The following PTGR3 variants were observed in gnomAD, a reference collection of about 807,000 sequenced individuals.
PTGR3 encodes zinc binding alcohol dehydrogenase domain containing 2.
At chr18:75,202,664 G>GAAAAAAAAAAAA in the PTGR3 span, among the ~76,000 whole-genome samples, 2 of 76,906 alleles carry the variant, frequency 2.6e-5, no homozygotes, top group African/African-American at 1.3e-4. Context: ...GTAGAAATAA[G>GAAAAAAAAAAAA]CAAAAAAAAA....
At chr18:75,208,087 G>A in the PTGR3 span, among the ~76,000 whole-genome samples, 2 of 152,228 alleles carry the variant, frequency 1.3e-5, no homozygotes, top group East Asian at 1.9e-4. Flanking sequence ...GAGTGAGGCG[G>A]AAACACGACG....
At chr18:75,201,242 C>A in the PTGR3 span, 1 of 552,150 alleles carries the variant, frequency 1.8e-6, no homozygotes, top group East Asian at 3.0e-5. Flanking sequence ...TTTTTTTTTT[C>A]CCCCAAGGGA....
the PTGR3 span, among the ~76,000 whole-genome samples, chr18:75,206,779 T>A: frequency 7.5e-4 from 114 of 152,312 alleles, no homozygotes; most frequent in African/African-American, 2.7e-3. Context: ...ATTCTTGGCG[T>A]GTGTGCAGGG....
the PTGR3 span, chr18:75,201,992 G>T: frequency 6.2e-7 from 1 of 1,614,160 alleles, no homozygotes; most frequent in Non-Finnish European, 8.5e-7. Context: ...TGGCAAACTG[G>T]CCCGTTCCCC....
the PTGR3 span, chr18:75,205,083 T>C: frequency 3.3e-6 from 3 of 910,692 alleles, no homozygotes. Flanking sequence ...TTGGTCTCCC[T>C]GCCTCCGGTT....
chr18:75,203,993 C>T, the PTGR3 span, among the ~76,000 whole-genome samples: 1 of 152,192 alleles, frequency 6.6e-6, no homozygotes, highest in Non-Finnish European at 1.5e-5. Flanking sequence ...GTAGGGTTTG[C>T]TCTGGAAGTG....
the PTGR3 span, chr18:75,197,359 G>A: frequency 6.6e-6 from 1 of 152,072 alleles, no homozygotes; most frequent in African/African-American, 2.4e-5. Context: ...TTGCATGCCT[G>A]TTTCAAGACA....
the PTGR3 span, chr18:75,209,119 C>CGCTCGGCTCGGCTGTGCTCT: frequency 8.1e-5 from 110 of 1,365,572 alleles, 1 homozygote; most frequent in Non-Finnish European, 9.6e-5. This position sits in a 1 kb window ranked among gnomAD's most constrained non-coding sequence, Gnocchi z 4.7. Flanking sequence ...CCGCCCGGGC[C>CGCTCGGCTCGGCTGTGCTCT]GCTCGGCTCG....
the PTGR3 span, chr18:75,208,783 A>AGCGGCGCGGC: frequency 7.7e-7 from 1 of 1,299,138 alleles, no homozygotes; most frequent in Non-Finnish European, 9.8e-7. Flanking sequence ...GGACTGCGGG[A>AGCGGCGCGGC]GCGGCGCGGC....
the PTGR3 span, chr18:75,202,341 C>T: frequency 6.3e-7 from 1 of 1,599,202 alleles, no homozygotes; most frequent in Non-Finnish European, 8.5e-7. Flanking sequence ...ACCAACAAAT[C>T]TAAAAGAAAA....
At chr18:75,195,156 G>A in the PTGR3 span, 2 of 152,210 alleles carry the variant, frequency 1.3e-5, no homozygotes, top group Admixed American at 1.3e-4. Context: ...CACATTCACA[G>A]GAGCCCTTCC....
the PTGR3 span, chr18:75,198,028 C>A: frequency 6.6e-6 from 1 of 152,174 alleles, no homozygotes; most frequent in Non-Finnish European, 1.5e-5. Context: ...GTGCTTAGCA[C>A]CCCCACCCCA....
chr18:75,203,863 C>T, the PTGR3 span, among the ~76,000 whole-genome samples: 1 of 152,210 alleles, frequency 6.6e-6, no homozygotes, highest in Non-Finnish European at 1.5e-5. Context: ...TCCCTGGGAG[C>T]TTGCTTCTGG....
the PTGR3 span, chr18:75,200,468 T>C: frequency 6.6e-6 from 1 of 152,232 alleles, no homozygotes; most frequent in Non-Finnish European, 1.5e-5. Context: ...GTATTCTTCC[T>C]TGAGATGACT....
the PTGR3 span, chr18:75,208,914 C>A: frequency 6.3e-7 from 1 of 1,577,728 alleles, no homozygotes; most frequent in South Asian, 1.2e-5. Context: ...CTCAGGGTGA[C>A]GGCCTCGCGG....
chr18:75,206,171 A>G, the PTGR3 span, among the ~76,000 whole-genome samples: 3 of 152,242 alleles, frequency 2.0e-5, no homozygotes, highest in Admixed American at 6.5e-5. Flanking sequence ...TCAATTATAC[A>G]TTCTATAGGG....
chr18:75,204,395 G>GA, the PTGR3 span, among the ~76,000 whole-genome samples: 1 of 152,230 alleles, frequency 6.6e-6, no homozygotes, highest in Non-Finnish European at 1.5e-5. Flanking sequence ...TGGGAGGGGG[G>GA]AGTGGGGCTC....
the PTGR3 span, chr18:75,200,573 T>C: frequency 3.3e-5 from 5 of 152,246 alleles, no homozygotes; most frequent in African/African-American, 1.2e-4. Context: ...TAGACAGCGC[T>C]TCCCTCCTGG....
the PTGR3 span, chr18:75,201,558 T>C: frequency 6.2e-7 from 1 of 1,614,126 alleles, no homozygotes; most frequent in Non-Finnish European, 8.5e-7. Flanking sequence ...AAGGTCCACC[T>C]CACAAACCAG....
Sources: allele counts gnomAD v4.1 joint callset (sites outside exome capture counted in the v4.1 genomes callset), GRCh38; gene constraint gnomAD v4.1.1; non-coding constraint Gnocchi (gnomAD v3.1); transcripts MANE v1.5; gene names NCBI Gene and HGNC (gene_info 2026-07-23, HGNC 2026-07-21).